The following UBE2E1 variants were observed in gnomAD, a reference collection of about 807,000 sequenced individuals.
UBE2E1 encodes the protein ubiquitin conjugating enzyme E2 E1.
In UBE2E1, 6 loss-of-function variants were observed where a neutral mutation model predicts 21.4. That is an observed-to-expected ratio of 0.28 (90% CI 0.15 to 0.55). The LOEUF is 0.55. UBE2E1 is among the 20% of genes least tolerant of loss of function. UBE2E1 has a pLI of 0.93. For synonymous variants in UBE2E1, 87 were observed against 82.7 expected (o/e 1.05, Z -0.28); for missense variants, 142 against 236.5 (o/e 0.60, Z 2.62).
At chr3:23,854,133 C>G (rs1454211547) in intron 3 of UBE2E1, among the ~76,000 whole-genome samples, 2 of 151,276 alleles carry the variant, frequency 1.3e-5, no homozygotes, top group Non-Finnish European at 2.9e-5. Context: ...TAGTGCATGC[C>G]TATAGTCCCA....
chr3:23,812,580 C>T (rs1017175871), intron 3 of UBE2E1, among the ~76,000 whole-genome samples: 2 of 152,186 alleles, frequency 1.3e-5, no homozygotes, highest in African/African-American at 2.4e-5. Flanking sequence ...GTGGGATGCT[C>T]TTCCGTGAAA....
At chr3:23,889,855 A>C in intron 5 of UBE2E1, 2 of 681,040 alleles carry the variant, frequency 2.9e-6, no homozygotes, top group Non-Finnish European at 3.6e-6. Context: ...ATGTCACTGC[A>C]CTGCATTCCA....
In UBE2E1 at chr3:23,890,568, A is replaced by G; in HGVS notation, c.544A>G (p.Arg182Gly). The change falls in exon 6 of 6, where the codon AGA becomes GGA. Residue 182 changes from arginine to glycine, a missense_variant. Arg to Gly is a moderately radical substitution (Grantham distance 125). Transcript: ENST00000306627. The stretch of plus-strand genomic sequence containing the variant: ...TATGACCAACAGAGCAGAACATGAC[A>G]GAATGGCCAGACAGTGGACCAAGAG... ...QYMTNRAEHD[R>G]MARQWTKRYA... 1 of 1,613,802 alleles carries G rather than the reference A, an allele frequency of 6.2e-7. No homozygotes were observed. The highest frequency in any genetic ancestry group is 8.5e-7 in the Non-Finnish European group (1 of 1,179,852).
intron 3 of UBE2E1, among the ~76,000 whole-genome samples, chr3:23,838,130 C>T (rs1250958736): frequency 6.6e-6 from 1 of 151,820 alleles, no homozygotes; most frequent in East Asian, 1.9e-4. Flanking sequence ...TGCAGTGGCA[C>T]AATTACAGCC....
At chr3:23,847,843 GTAGAAAGGGATATA>G in intron 3 of UBE2E1, among the ~76,000 whole-genome samples, 1 of 152,096 alleles carries the variant, frequency 6.6e-6, no homozygotes, top group East Asian at 1.9e-4. Flanking sequence ...ACTCAAAACA[GTAGAAAGGGATATA>G]TAGAAAAAGT....
At chr3:23,827,139 C>T (rs1282298842) in intron 3 of UBE2E1, among the ~76,000 whole-genome samples, 1 of 151,618 alleles carries the variant, frequency 6.6e-6, no homozygotes, top group East Asian at 1.9e-4. Context: ...GCAGACATAA[C>T]ATGGCTATTT....
In UBE2E1 at chr3:23,851,798, TAAA is replaced by T. The variant is rs560024142; in HGVS notation, c.204-35761_204-35759del. 1.1e-4 allele frequency among the ~76,000 whole-genome samples: 17 copies of T among 150,012 alleles called. No homozygotes were observed. In the South Asian group the frequency reaches 3.6e-3, roughly 32 times the overall value. On this transcript the variant is annotated intron_variant, in intron 3 of 5. Transcript: ENST00000306627. ...TGACAGAGACCCTGTCTCTAAAAAA[TAAA>T]AAAAAAATTAAAATTCAGATCTGTA...
In UBE2E1 at chr3:23,890,726, A is replaced by G. The variant is rs1701393627; in HGVS notation, c.*120A>G. Reference sequence around the variant, plus strand: ...GTAGGGTATTTCTATAACAGATATTATTCAGTCTTATTTCCTAAGATTTTG... The same window carrying G: ...GTAGGGTATTTCTATAACAGATATTGTTCAGTCTTATTTCCTAAGATTTTG... On this transcript the variant is annotated 3_prime_UTR_variant, in exon 6 of 6. Transcript: ENST00000306627. 3.6e-6 allele frequency: 3 copies of G among 822,936 alleles called. No homozygotes were observed. Among genetic ancestry groups the G allele is most frequent in the East Asian group, 6.1e-5 (2 of 32,624 alleles). The allele number at this position is 822,936 out of a possible 1,614,324, so 51.0% of individuals were successfully genotyped here.
chr3:23,806,216 G>T lies in UBE2E1; in HGVS notation c.-34+128G>T, dbSNP rs1042951666. 6.1e-5 allele frequency: 9 copies of T among 148,696 alleles called. No individual in the cohort carries two copies. The highest frequency in any genetic ancestry group is 2.1e-4 in the South Asian group (1 of 4,826). The allele number at this position is 148,696 out of a possible 1,614,324, so 9.2% of individuals were successfully genotyped here. The stretch of plus-strand genomic sequence containing the variant: ...GCCGCAGGGCACGGGGCCGGCGCGG[G>T]GGGGGAGCGGAGAGGGGCTGGGGAG... On this transcript the variant is annotated intron_variant, in intron 1 of 5. Coordinates refer to ENST00000306627, the MANE Select transcript of UBE2E1 (RefSeq NM_003341.5). The surrounding 1 kb of genome is among the most constrained non-coding windows in gnomAD (Gnocchi z 6.5).
chr3:23,856,255 C>G (rs546185924), intron 3 of UBE2E1, among the ~76,000 whole-genome samples: 1 of 152,258 alleles, frequency 6.6e-6, no homozygotes, highest in Non-Finnish European at 1.5e-5. Flanking sequence ...GTCTCAAACT[C>G]CTGACCTTGT....
At chr3:23,832,383 G>A (rs780325124) in intron 3 of UBE2E1, among the ~76,000 whole-genome samples, 9 of 152,174 alleles carry the variant, frequency 5.9e-5, no homozygotes, top group Non-Finnish European at 8.8e-5. Flanking sequence ...AGTGGCTCAC[G>A]CCTGTAATCC....
chr3:23,818,611 G>A (rs1699577260), intron 3 of UBE2E1, among the ~76,000 whole-genome samples: 1 of 152,128 alleles, frequency 6.6e-6, no homozygotes, highest in Non-Finnish European at 1.5e-5. Flanking sequence ...ATAATTTTGT[G>A]GAGTCATTTG....
In UBE2E1 at chr3:23,863,123, C is replaced by T. The variant is rs1023482264; in HGVS notation, c.204-24444C>T. The stretch of plus-strand genomic sequence containing the variant: ...GGCAACTACTTGTACCTCCTTGAGC[C>T]GAGTACTTTGTTGTTTATATCCTGT... On this transcript the variant is annotated intron_variant, in intron 3 of 5. Coordinates refer to ENST00000306627, the MANE Select transcript of UBE2E1 (RefSeq NM_003341.5). The surrounding 1 kb of genome is among the most constrained non-coding windows in gnomAD (Gnocchi z 4.3). Among the ~76,000 whole-genome samples, 11 of 150,628 alleles carry T rather than the reference C, an allele frequency of 7.3e-5. No individual in the cohort carries two copies. The highest frequency in any genetic ancestry group is 1.9e-4 in the East Asian group (1 of 5,176).
chr3:23,883,658 C>G (rs1052949799), intron 3 of UBE2E1, among the ~76,000 whole-genome samples: 1 of 152,144 alleles, frequency 6.6e-6, no homozygotes, highest in Admixed American at 6.5e-5. Context: ...TGGCTCACAC[C>G]TGTAATCCCA....
chr3:23,829,164 C>CA (rs56097157), intron 3 of UBE2E1, among the ~76,000 whole-genome samples: 4,978 of 128,074 alleles, frequency 0.039, 299 homozygotes, highest in African/African-American at 0.12. Flanking sequence ...GACAGGGCCT[C>CA]AAAAAAAAAA....
chr3:23,867,541 A>G (rs1315066756), intron 3 of UBE2E1, among the ~76,000 whole-genome samples: 1 of 152,214 alleles, frequency 6.6e-6, no homozygotes, highest in Non-Finnish European at 1.5e-5. Context: ...AACAGTTGGT[A>G]TTTCTACATT....
In UBE2E1 at chr3:23,836,213, G is replaced by A. The variant is rs1192298854; in HGVS notation, c.203+24703G>A. On this transcript the variant is annotated intron_variant, in intron 3 of 5. Coordinates refer to ENST00000306627, the MANE Select transcript of UBE2E1 (RefSeq NM_003341.5). This position sits in a 1 kb window ranked among gnomAD's most constrained non-coding sequence, Gnocchi z 4.1. ...TTACAAGAGAGTTTTTATAACTAAA[G>A]TTAATAGGAATATCTAAAATGAATA... is the stretch of plus-strand genomic sequence containing the variant. Among the ~76,000 whole-genome samples the A allele has an allele frequency of 6.6e-6, 1 of 152,154 alleles. No individual in the cohort carries two copies. The highest frequency in any genetic ancestry group is 1.5e-5 in the Non-Finnish European group (1 of 68,026).
intron 3 of UBE2E1, among the ~76,000 whole-genome samples, chr3:23,874,177 G>A (rs376822673): frequency 3.3e-5 from 5 of 152,216 alleles, no homozygotes; most frequent in African/African-American, 9.6e-5. Context: ...AATTAATTTC[G>A]TAATCAAAGA....
intron 3 of UBE2E1, among the ~76,000 whole-genome samples, chr3:23,874,122 G>A (rs970915356): frequency 3.3e-5 from 5 of 152,324 alleles, no homozygotes; most frequent in Non-Finnish European, 7.4e-5. Context: ...GTTGCAGTGT[G>A]GAAGCTGCAT....
Sources: gnomAD v4.1 joint callset for allele counts (sites outside exome capture counted in the v4.1 genomes callset) on GRCh38, gnomAD v4.1.1 for gene constraint, Gnocchi (gnomAD v3.1) non-coding constraint, MANE v1.5 for transcripts, NCBI Gene and HGNC (gene_info 2026-07-23, HGNC 2026-07-21) for gene names.